The following ADGRB3 variants were observed in gnomAD, a reference collection of about 807,000 sequenced individuals.
ADGRB3 encodes the protein brain-specific angiogenesis inhibitor 3.
A neutral mutation model predicts 193.4 loss-of-function variants in ADGRB3; 37 were observed. The observed-to-expected ratio is 0.19, with a 90% CI of 0.15 to 0.25. The LOEUF (loss-of-function observed/expected upper bound fraction) is 0.25. ADGRB3 is among the 10% of genes least tolerant of loss of function. The probability of loss-of-function intolerance (pLI) is 1.00; values close to 1 mark genes in which losing one functional copy is unlikely to be tolerated. For missense variants in ADGRB3, 1,637 were observed against 1,852.9 expected, an observed-to-expected ratio of 0.88 and a Z score of 2.14; for synonymous variants, 690 against 644.2, an observed-to-expected ratio of 1.07 and a Z score of -1.08.
chr6:68,648,264 A>G (rs1240473225), intron 3 of ADGRB3, among the ~76,000 whole-genome samples: 1 of 152,142 alleles, frequency 6.6e-6, no homozygotes, highest in African/African-American at 2.4e-5. Context: ...ATGTTTGCTG[A>G]TGTGCATTTT....
intron 11 of ADGRB3, among the ~76,000 whole-genome samples, chr6:69,007,422 A>T (rs1194519670): frequency 1.3e-5 from 2 of 151,914 alleles, no homozygotes; most frequent in Non-Finnish European, 2.9e-5. Context: ...TTCACCCTCT[A>T]TTAATATTTT....
At chr6:68,675,570 C>T (rs1465188581) in intron 3 of ADGRB3, among the ~76,000 whole-genome samples, 1 of 152,066 alleles carries the variant, frequency 6.6e-6, no homozygotes, top group Non-Finnish European at 1.5e-5. Context: ...AAGAGCAAGA[C>T]AACTCACAGG....
chr6:68,999,777 T>G (rs1769512509), intron 11 of ADGRB3, among the ~76,000 whole-genome samples: 1 of 152,168 alleles, frequency 6.6e-6, no homozygotes, highest in African/African-American at 2.4e-5. Flanking sequence ...CAGCAATATT[T>G]TTTAAGCTCT....
intron 20 of ADGRB3, among the ~76,000 whole-genome samples, chr6:69,322,300 G>A (rs887145412): frequency 6.6e-6 from 1 of 151,736 alleles, no homozygotes; most frequent in Non-Finnish European, 1.5e-5. Flanking sequence ...TATGAATACT[G>A]CTGCCATGAA....
chr6:69,074,701 C>T (rs1228380803), intron 16 of ADGRB3, among the ~76,000 whole-genome samples: 6 of 152,010 alleles, frequency 3.9e-5, no homozygotes, highest in South Asian at 2.1e-4. Context: ...CCTGCCACCA[C>T]GTCCTGCTAA....
At chr6:69,257,888 A>G (rs761204787) in intron 20 of ADGRB3, among the ~76,000 whole-genome samples, 1 of 152,204 alleles carries the variant, frequency 6.6e-6, no homozygotes, top group Non-Finnish European at 1.5e-5. Context: ...AGTGTAGCTC[A>G]TCACAGTATC....
At chr6:68,883,589 C>A (rs1361867437) in intron 3 of ADGRB3, among the ~76,000 whole-genome samples, 2 of 151,962 alleles carry the variant, frequency 1.3e-5, no homozygotes, top group African/African-American at 4.8e-5. Context: ...GAGGAGTGAA[C>A]AACTCTGGAC....
intron 13 of ADGRB3, among the ~76,000 whole-genome samples, chr6:69,031,553 T>TTTCTTTCTTTCTTCTTTCTTTCTTTC (rs1554248806): frequency 9.2e-6 from 1 of 108,624 alleles, no homozygotes; most frequent in African/African-American, 3.3e-5. Flanking sequence ...TTCTTTCTTT[T>TTTCTTTCTTTCTTCTTTCTTTCTTTC]TCTTTCTTTC....
chr6:69,331,836 G>A, intron 23 of ADGRB3: 1 of 984,936 alleles, frequency 1.0e-6, no homozygotes, highest in Non-Finnish European at 1.2e-6. Flanking sequence ...AGAATCCATA[G>A]AATACACTTT....
At chr6:68,901,899 T>G (rs1034841855) in intron 3 of ADGRB3, among the ~76,000 whole-genome samples, 1 of 152,160 alleles carries the variant, frequency 6.6e-6, no homozygotes, top group African/African-American at 2.4e-5. Context: ...TTTAATATTG[T>G]TTTTAAAACA....
At chr6:69,080,492 A>T (rs1286498341) in intron 17 of ADGRB3, among the ~76,000 whole-genome samples, 1 of 151,984 alleles carries the variant, frequency 6.6e-6, no homozygotes, top group Non-Finnish European at 1.5e-5. Flanking sequence ...AAAAAGAACA[A>T]GAAAGAGGTC....
chr6:69,359,696 A>G (rs1029558682), intron 28 of ADGRB3, among the ~76,000 whole-genome samples: 1 of 151,936 alleles, frequency 6.6e-6, no homozygotes, highest in African/African-American at 2.4e-5. Context: ...TATATCTGAA[A>G]CTTTTTATGA....
At chr6:68,806,215 A>G (rs758597585) in intron 3 of ADGRB3, among the ~76,000 whole-genome samples, 2 of 152,244 alleles carry the variant, frequency 1.3e-5, no homozygotes, top group Admixed American at 1.3e-4. Context: ...ATAACCTCTA[A>G]TAATTCCAGA....
chr6:69,252,281 A>G (rs1766640369), intron 20 of ADGRB3, among the ~76,000 whole-genome samples: 1 of 152,118 alleles, frequency 6.6e-6, no homozygotes, highest in African/African-American at 2.4e-5. Context: ...TGACTATATC[A>G]TGATTTGTTT....
At chr6:69,294,982 G>C (rs891691676) in intron 20 of ADGRB3, among the ~76,000 whole-genome samples, 1 of 152,062 alleles carries the variant, frequency 6.6e-6, no homozygotes, top group African/African-American at 2.4e-5. Flanking sequence ...GAATCTATTT[G>C]GTGACGTTCT....
At chr6:69,016,850 C>T (rs1770106848) in intron 12 of ADGRB3, among the ~76,000 whole-genome samples, 1 of 151,634 alleles carries the variant, frequency 6.6e-6, no homozygotes, top group Admixed American at 6.6e-5. Flanking sequence ...GAGACTCTTC[C>T]CTTATTTTCA....
At chr6:69,200,298 C>A (rs917626073) in intron 17 of ADGRB3, among the ~76,000 whole-genome samples, 1 of 151,958 alleles carries the variant, frequency 6.6e-6, no homozygotes, top group African/African-American at 2.4e-5. Context: ...AAAAAAAATT[C>A]TAGATATCAT....
rs1368755878 is a variant in ADGRB3 at position 69,234,466 on chromosome 6, T to C, written c.2608-566T>C. On this transcript the variant is annotated intron_variant, in intron 18 of 31. Coordinates refer to ENST00000370598, the MANE Select transcript of ADGRB3 (RefSeq NM_001704.3). ...ACTTGAAGGTTTTAAATTTGACGTTTGATTTTCTTCTGTATCCTCAGAAGC... is the reference window on the plus strand; with the variant it reads ...ACTTGAAGGTTTTAAATTTGACGTTCGATTTTCTTCTGTATCCTCAGAAGC... 2.6e-5 allele frequency among the ~76,000 whole-genome samples: 4 copies of C among 152,302 alleles called. No homozygotes were observed. The South Asian group carries it at 6.2e-4, about 24-fold the overall frequency.
At chr6:69,209,173 T>A (rs1765602678) in intron 17 of ADGRB3, among the ~76,000 whole-genome samples, 1 of 152,184 alleles carries the variant, frequency 6.6e-6, no homozygotes, top group Non-Finnish European at 1.5e-5. Flanking sequence ...CCTGGACCTG[T>A]TGCAGAACCT....
Sources: allele counts gnomAD v4.1 joint callset (sites outside exome capture counted in the v4.1 genomes callset), GRCh38; gene constraint gnomAD v4.1.1; transcripts MANE v1.5; gene names NCBI Gene and HGNC (gene_info 2026-07-23, HGNC 2026-07-21).